Variants in GPC5 observed in about 807,000 individuals in gnomAD.
The protein encoded by GPC5 is glypican-5.
Under a neutral mutation model 53.9 loss-of-function variants are expected in GPC5, and 47 were observed. That is an observed-to-expected ratio of 0.87 (90% confidence interval 0.69 to 1.11). GPC5 has a LOEUF of 1.11. GPC5 is among the 50% of genes most tolerant of loss of function. The probability of loss-of-function intolerance (pLI) is 0.00; values close to 1 mark genes in which losing one functional copy is unlikely to be tolerated. For synonymous variants in GPC5, 286 were observed against 263.3 expected (o/e 1.09, Z -0.84); for missense variants, 748 against 713.1 (o/e 1.05, Z -0.56).
chr13:91,552,883 T>C (rs2030728857), intron 2 of GPC5, among the ~76,000 whole-genome samples: 1 of 152,170 alleles, frequency 6.6e-6, no homozygotes, highest in African/African-American at 2.4e-5. Flanking sequence ...AGGAATGTTG[T>C]ATTTTATGGA....
intron 7 of GPC5, among the ~76,000 whole-genome samples, chr13:92,208,560 A>G (rs1435170315): frequency 6.6e-6 from 1 of 152,262 alleles, no homozygotes; most frequent in Non-Finnish European, 1.5e-5. Flanking sequence ...ATTAGGCTTA[A>G]AAATAAAAAG....
intron 2 of GPC5, among the ~76,000 whole-genome samples, chr13:91,550,283 G>C (rs909759620): frequency 3.9e-5 from 6 of 152,010 alleles, no homozygotes; most frequent in Admixed American, 3.9e-4. Flanking sequence ...CAATTTTAGG[G>C]CACTGGAAAA....
intron 7 of GPC5, among the ~76,000 whole-genome samples, chr13:92,282,578 A>AG (rs1009217518): frequency 6.6e-6 from 1 of 152,156 alleles, no homozygotes; most frequent in African/African-American, 2.4e-5. Context: ...CCAGAAGAGA[A>AG]GGGGGGCCAA....
intron 7 of GPC5, among the ~76,000 whole-genome samples, chr13:92,642,228 TA>T (rs1015635323): frequency 4.6e-5 from 7 of 151,988 alleles, no homozygotes; most frequent in Non-Finnish European, 1.0e-4. Context: ...ATTGTTGAAG[TA>T]AAAAAAACTA....
intron 7 of GPC5, among the ~76,000 whole-genome samples, chr13:92,584,920 C>T (rs1181767117): frequency 2.0e-5 from 3 of 151,998 alleles, no homozygotes; most frequent in Non-Finnish European, 4.4e-5. Context: ...CCTGCAGGTG[C>T]ACAGAAGTCA....
chr13:91,678,629 A>G (rs1431729530), intron 2 of GPC5, among the ~76,000 whole-genome samples: 1 of 152,188 alleles, frequency 6.6e-6, no homozygotes, highest in African/African-American at 2.4e-5. Flanking sequence ...TCTTAGAGCA[A>G]TAAATATGAT....
intron 7 of GPC5, among the ~76,000 whole-genome samples, chr13:92,854,448 T>C (rs1456310568): frequency 1.3e-5 from 2 of 151,200 alleles, no homozygotes; most frequent in Non-Finnish European, 3.0e-5. Flanking sequence ...AACATTCCTT[T>C]AAGAAGTTAG....
At chr13:92,587,770 C>G (rs1204600007) in intron 7 of GPC5, among the ~76,000 whole-genome samples, 1 of 152,124 alleles carries the variant, frequency 6.6e-6, no homozygotes, top group Non-Finnish European at 1.5e-5. Flanking sequence ...TGGGCATTCA[C>G]TCCTGGAGGC....
At chr13:92,748,313 TA>T (rs1889290284) in intron 7 of GPC5, among the ~76,000 whole-genome samples, 4 of 99,170 alleles carry the variant, frequency 4.0e-5, no homozygotes, top group African/African-American at 9.6e-5. Flanking sequence ...CATTTTATTT[TA>T]TTATTATTAT....
At chr13:92,087,937 T>A (rs879787172) in intron 6 of GPC5, among the ~76,000 whole-genome samples, 2 of 129,498 alleles carry the variant, frequency 1.5e-5, no homozygotes, top group African/African-American at 7.6e-5. Flanking sequence ...TTCCAACTAC[T>A]TTTTTTTTTT....
At chr13:92,730,451 A>G (rs900098527) in intron 7 of GPC5, among the ~76,000 whole-genome samples, 2 of 151,406 alleles carry the variant, frequency 1.3e-5, no homozygotes, top group African/African-American at 4.8e-5. Context: ...TTGCAATGAC[A>G]TCACCAAACT....
chr13:92,597,482 A>G (rs1883920149), intron 7 of GPC5, among the ~76,000 whole-genome samples: 1 of 152,164 alleles, frequency 6.6e-6, no homozygotes, highest in South Asian at 2.1e-4. Context: ...GAGTTTATCA[A>G]GTAAACAAAA....
chr13:92,774,008 G>A (rs991833512), intron 7 of GPC5, among the ~76,000 whole-genome samples: 5 of 152,172 alleles, frequency 3.3e-5, no homozygotes, highest in African/African-American at 9.7e-5. Flanking sequence ...GATCTCATGA[G>A]ACTTATTCAC....
At chr13:91,813,269 G>A (rs1404653672) in intron 5 of GPC5, among the ~76,000 whole-genome samples, 1 of 152,072 alleles carries the variant, frequency 6.6e-6, no homozygotes, top group African/African-American at 2.4e-5. Context: ...TCTCCCCTTT[G>A]CATTACTTTG....
intron 2 of GPC5, among the ~76,000 whole-genome samples, chr13:91,603,871 T>A (rs2033262306): frequency 6.6e-6 from 1 of 152,102 alleles, no homozygotes; most frequent in East Asian, 1.9e-4. Flanking sequence ...TTCTTCCTCT[T>A]TTTTCCTTCT....
intron 2 of GPC5, among the ~76,000 whole-genome samples, chr13:91,681,441 A>G (rs972113652): frequency 3.9e-5 from 6 of 152,184 alleles, no homozygotes; most frequent in Non-Finnish European, 7.4e-5. Flanking sequence ...GACCCAATCA[A>G]CTATTCCTCT....
chr13:92,054,061 A>AAATG (rs1161876855), intron 6 of GPC5, among the ~76,000 whole-genome samples: 1 of 151,164 alleles, frequency 6.6e-6, no homozygotes, highest in Non-Finnish European at 1.5e-5. Flanking sequence ...ATAAATAAAT[A>AAATG]AATAAATAAA....
At chr13:92,642,944 G>A (rs1242883836) in intron 7 of GPC5, among the ~76,000 whole-genome samples, 2 of 152,184 alleles carry the variant, frequency 1.3e-5, no homozygotes, top group Admixed American at 1.3e-4. Context: ...TGCTACAACG[G>A]TCAGTTATAT....
intron 6 of GPC5, among the ~76,000 whole-genome samples, chr13:92,098,245 G>C (rs144610535): frequency 2.9e-3 from 448 of 152,208 alleles, no homozygotes; most frequent in African/African-American, 0.01. Flanking sequence ...CCACTTATAA[G>C]TGAGAGCATG....
Sources: gnomAD v4.1 joint callset for allele counts (sites outside exome capture counted in the v4.1 genomes callset) on GRCh38, gnomAD v4.1.1 for gene constraint, MANE v1.5 for transcripts, NCBI Gene and HGNC (gene_info 2026-07-23, HGNC 2026-07-21) for gene names.